The following ROBO2 variants were observed in gnomAD, a reference collection of about 807,000 sequenced individuals.
ROBO2 encodes the protein roundabout guidance receptor 2, also known as roundabout homolog 2.
A neutral mutation model predicts 160.8 loss-of-function variants in ROBO2; 53 were observed. The observed-to-expected ratio is 0.33, with a 90% confidence interval of 0.26 to 0.41. The LOEUF is 0.41. ROBO2 is among the 10% of genes least tolerant of loss of function. The pLI is 1.00. For synonymous variants in ROBO2, 664 were observed against 611.7 expected (o/e 1.09, Z -1.26); for missense variants, 1,577 against 1,722.4 (o/e 0.92, Z 1.49).
intron 2 of ROBO2, among the ~76,000 whole-genome samples, chr3:76,643,525 C>G (rs1209074950): frequency 6.6e-6 from 1 of 152,056 alleles, no homozygotes; most frequent in Non-Finnish European, 1.5e-5. Flanking sequence ...AAACCTAAGA[C>G]TGTTGAAAAT....
intron 2 of ROBO2, among the ~76,000 whole-genome samples, chr3:76,747,684 T>A (rs547001467): frequency 1.3e-5 from 2 of 152,098 alleles, no homozygotes; most frequent in South Asian, 4.1e-4. Flanking sequence ...ATTATAATTT[T>A]ACTATTAATG....
chr3:76,415,110 CTG>C (rs2108871080), intron 2 of ROBO2, among the ~76,000 whole-genome samples: 1 of 152,264 alleles, frequency 6.6e-6, no homozygotes, highest in East Asian at 1.9e-4. Flanking sequence ...TCTTTGATCT[CTG>C]TAAGTAAAAA....
chr3:77,579,874 A>G, intron 15 of ROBO2, 73 bp from the exon 17 acceptor site: 1 of 1,331,448 alleles, frequency 7.5e-7, no homozygotes, highest in Non-Finnish European at 1.1e-6. Flanking sequence ...AAAATATTTG[A>G]TCAGTTACAG....
At chr3:77,343,566 G>A (rs1313409908) in intron 2 of ROBO2, among the ~76,000 whole-genome samples, 1 of 152,096 alleles carries the variant, frequency 6.6e-6, no homozygotes, top group Admixed American at 6.6e-5. Flanking sequence ...AGACTAAGGG[G>A]CTTAGGATCT....
At chr3:77,561,426 A>T (rs963475296) in intron 9 of ROBO2, among the ~76,000 whole-genome samples, 1 of 152,150 alleles carries the variant, frequency 6.6e-6, no homozygotes, top group African/African-American at 2.4e-5. Flanking sequence ...AGTGTAAGCC[A>T]CAAGGCTTGA....
At chr3:76,052,041 A>G (rs1436222555) in intron 2 of ROBO2, among the ~76,000 whole-genome samples, 1 of 152,116 alleles carries the variant, frequency 6.6e-6, no homozygotes, top group Non-Finnish European at 1.5e-5. Flanking sequence ...TGAAATGGGA[A>G]TATGAATAAT....
intron 2 of ROBO2, among the ~76,000 whole-genome samples, chr3:77,295,394 A>G (rs1377019124): frequency 6.7e-6 from 1 of 150,056 alleles, no homozygotes; most frequent in African/African-American, 2.5e-5. Flanking sequence ...CTAGAGCACT[A>G]AAGACATAAA....
At chr3:77,079,202 C>T (rs541208085) in intron 1 of ROBO2, among the ~76,000 whole-genome samples, 74 of 152,312 alleles carry the variant, frequency 4.9e-4, no homozygotes, top group African/African-American at 1.8e-3. Context: ...CCACCTCAGC[C>T]TCCCAAAGTG....
chr3:76,976,551 T>C (rs1274297579), intron 2 of ROBO2, among the ~76,000 whole-genome samples: 1 of 152,210 alleles, frequency 6.6e-6, no homozygotes, highest in Non-Finnish European at 1.5e-5. Context: ...TAGCCTCATG[T>C]GTGACTCAAC....
chr3:76,434,846 G>C (rs1577162982), intron 2 of ROBO2: 2 of 1,571,484 alleles, frequency 1.3e-6, no homozygotes, highest in East Asian at 2.2e-5. Context: ...AGACTCACAA[G>C]AACCCTGCCC....
intron 2 of ROBO2, among the ~76,000 whole-genome samples, chr3:76,737,460 A>G (rs2093732222): frequency 6.6e-6 from 1 of 152,216 alleles, no homozygotes; most frequent in Middle Eastern, 3.2e-3. Context: ...GCAAACAAAT[A>G]ATTCAAAATT....
intron 2 of ROBO2, among the ~76,000 whole-genome samples, chr3:77,210,710 G>A (rs1337180678): frequency 2.0e-5 from 3 of 152,056 alleles, no homozygotes; most frequent in African/African-American, 7.2e-5. Flanking sequence ...TTAACATTAG[G>A]TATATCTCCT....
intron 2 of ROBO2, among the ~76,000 whole-genome samples, chr3:76,955,861 GA>G (rs1238691978): frequency 6.8e-6 from 1 of 146,938 alleles, no homozygotes; most frequent in African/African-American, 2.5e-5. Flanking sequence ...CCGGGAGGCG[GA>G]GACAGGTGTT....
intron 2 of ROBO2, among the ~76,000 whole-genome samples, chr3:76,804,651 G>C (rs564982795): frequency 1.3e-4 from 20 of 152,288 alleles, no homozygotes; most frequent in African/African-American, 4.6e-4. Flanking sequence ...GCAAACACTA[G>C]TAGATTTCTT....
At chr3:76,030,444 G>A (rs1378594018) in intron 2 of ROBO2, among the ~76,000 whole-genome samples, 6 of 152,130 alleles carry the variant, frequency 3.9e-5, no homozygotes, top group Non-Finnish European at 7.4e-5. Context: ...CCTTGCCCAT[G>A]CCTATGTCCT....
chr3:76,167,231 G>C (rs1020751879), intron 2 of ROBO2, among the ~76,000 whole-genome samples: 5 of 152,126 alleles, frequency 3.3e-5, no homozygotes, highest in African/African-American at 1.2e-4. Flanking sequence ...GTAAGCCACT[G>C]TACCTGGGGT....
chr3:76,809,041 G>A (rs965537279), intron 2 of ROBO2, among the ~76,000 whole-genome samples: 1 of 152,120 alleles, frequency 6.6e-6, no homozygotes, highest in South Asian at 2.1e-4. Context: ...AAAATACTTT[G>A]CAATGAATTA....
intron 2 of ROBO2, among the ~76,000 whole-genome samples, chr3:76,702,634 G>C (rs1394874757): frequency 6.6e-6 from 1 of 152,024 alleles, no homozygotes; most frequent in Non-Finnish European, 1.5e-5. Flanking sequence ...TGTGATGATA[G>C]ATGTTGAATC....
intron 2 of ROBO2, among the ~76,000 whole-genome samples, chr3:76,377,951 A>G (rs2076430742): frequency 6.6e-6 from 1 of 152,144 alleles, no homozygotes; most frequent in Non-Finnish European, 1.5e-5. Flanking sequence ...ATGCATTGCT[A>G]GGAGCACGTG....
Sources: allele counts gnomAD v4.1 joint callset (sites outside exome capture counted in the v4.1 genomes callset), GRCh38; gene constraint gnomAD v4.1.1; transcripts MANE v1.5; gene names NCBI Gene and HGNC (gene_info 2026-07-23, HGNC 2026-07-21).